CCSER1: variants seen among roughly 807,000 people sequenced by gnomAD.
CCSER1 encodes the protein coiled-coil serine rich protein 1, also known as serine-rich coiled-coil domain-containing protein 1.
In CCSER1, 41 loss-of-function variants were observed where a neutral mutation model predicts 82.0. The ratio of observed to expected loss-of-function variants is 0.50; its 90% CI spans 0.39 to 0.65. CCSER1 has a LOEUF of 0.65. Ranked by LOEUF, CCSER1 falls within the 30% of genes least tolerant of loss-of-function variation. CCSER1 has a pLI of 0.00. For synonymous variants in CCSER1, 414 were observed against 383.9 expected (o/e 1.08, Z -0.92); for missense variants, 1,119 against 1,064.2 (o/e 1.05, Z -0.72).
At chr4:90,968,804 A>G (rs941726741) in intron 9 of CCSER1, among the ~76,000 whole-genome samples, 3 of 152,018 alleles carry the variant, frequency 2.0e-5, no homozygotes, top group Admixed American at 6.6e-5. Flanking sequence ...ATGACAGAAC[A>G]TAATAGTTTT....
In CCSER1 at chr4:90,399,594, G is replaced by C. The variant is rs571615744; in HGVS notation, c.1510-442G>C. Among the ~76,000 whole-genome samples, 8 of 152,104 alleles carry C rather than the reference G, an allele frequency of 5.3e-5. No homozygotes were observed. The South Asian group carries it at 1.7e-3, about 32-fold the overall frequency. ...AAAGTAACTGGAGTTTCATTTCACA[G>C]ACTTCTATTTGAAAAATGTGTATAT... On this transcript the variant is annotated intron_variant, in intron 3 of 10. Transcript: ENST00000509176.
At chr4:90,903,759 A>T (rs1194821218) in intron 8 of CCSER1, among the ~76,000 whole-genome samples, 2 of 151,134 alleles carry the variant, frequency 1.3e-5, no homozygotes, top group Non-Finnish European at 2.9e-5. Flanking sequence ...AATCACTTGA[A>T]CCCAGGGGTG....
At chr4:90,593,613 A>G (rs1345076283) in intron 5 of CCSER1, among the ~76,000 whole-genome samples, 1 of 152,000 alleles carries the variant, frequency 6.6e-6, no homozygotes, top group Non-Finnish European at 1.5e-5. Context: ...TCCAGGTTCT[A>G]TTCTCCTGCC....
At chr4:90,936,105 A>G (rs1441561446) in intron 9 of CCSER1, among the ~76,000 whole-genome samples, 3 of 152,042 alleles carry the variant, frequency 2.0e-5, no homozygotes, top group African/African-American at 7.2e-5. Context: ...TTTACTTTCT[A>G]TTCAAATCTA....
chr4:90,729,165 G>A (rs62312974), intron 7 of CCSER1, among the ~76,000 whole-genome samples: 45 of 152,100 alleles, frequency 3.0e-4, no homozygotes, highest in Non-Finnish European at 5.6e-4. Context: ...TAAATGAAAA[G>A]TGTCTACAAT....
At chr4:91,294,887 G>T (rs1285335979) in intron 10 of CCSER1, among the ~76,000 whole-genome samples, 2 of 151,916 alleles carry the variant, frequency 1.3e-5, no homozygotes, top group South Asian at 4.1e-4. Flanking sequence ...TGTGTATTCA[G>T]CATGCTACAG....
At chr4:91,129,206 G>A (rs1467507677) in intron 10 of CCSER1, among the ~76,000 whole-genome samples, 1 of 151,976 alleles carries the variant, frequency 6.6e-6, no homozygotes, top group Non-Finnish European at 1.5e-5. Context: ...GTCTGTGTTA[G>A]TTTGCTGAGG....
At chr4:90,623,023 ATTTT>A (rs35838784) in intron 5 of CCSER1, among the ~76,000 whole-genome samples, 7 of 112,626 alleles carry the variant, frequency 6.2e-5, no homozygotes, top group Admixed American at 9.5e-5. Flanking sequence ...TGGGTAAAGG[ATTTT>A]TTTTTTTTTT....
At chr4:90,908,789 A>T (rs1725888572) in intron 8 of CCSER1, among the ~76,000 whole-genome samples, 1 of 152,110 alleles carries the variant, frequency 6.6e-6, no homozygotes, top group African/African-American at 2.4e-5. Flanking sequence ...TTCAAGAAGG[A>T]GACTGATGTG....
intron 6 of CCSER1, among the ~76,000 whole-genome samples, chr4:90,665,621 A>G (rs1339393935): frequency 3.9e-5 from 6 of 152,154 alleles, no homozygotes; most frequent in East Asian, 1.9e-4. Context: ...GCCTCCGGCC[A>G]TATGCTGAGA....
At chr4:90,137,555 T>C (rs2153326681) in intron 1 of CCSER1, among the ~76,000 whole-genome samples, 1 of 152,264 alleles carries the variant, frequency 6.6e-6, no homozygotes, top group South Asian at 2.1e-4. Context: ...TGGACGGTGA[T>C]ATAGAAAGTA....
intron 9 of CCSER1, among the ~76,000 whole-genome samples, chr4:90,956,733 C>T (rs1023765287): frequency 2.6e-5 from 4 of 151,398 alleles, no homozygotes; most frequent in Non-Finnish European, 4.4e-5. Context: ...GAAGGCAGAA[C>T]TCCATCTGAT....
At position 90,851,518 on chromosome 4, in the gene CCSER1, A is replaced by G. The variant is rs117495122; in HGVS notation, c.2094+35673A>G. ...TGGTTGAGATTTTACCCTTGTTCCAATGCAGCCCTTGGAGACTATGCACTT... is the reference window on the plus strand; with the variant it reads ...TGGTTGAGATTTTACCCTTGTTCCAGTGCAGCCCTTGGAGACTATGCACTT... On this transcript the variant is annotated intron_variant, in intron 8 of 10. Coordinates refer to ENST00000509176, the MANE Select transcript of CCSER1 (RefSeq NM_001145065.2). Among the ~76,000 whole-genome samples the G allele has an allele frequency of 2.5e-4, 38 of 150,372 alleles. No homozygotes were observed. In the East Asian group the frequency reaches 4.3e-3, roughly 17 times the overall value.
chr4:90,155,170 G>A (rs1168832151), intron 1 of CCSER1, among the ~76,000 whole-genome samples: 5 of 152,084 alleles, frequency 3.3e-5, no homozygotes, highest in Admixed American at 1.3e-4. Flanking sequence ...CTGTTTATAC[G>A]CTGGATTACA....
chr4:91,133,659 C>A (rs903492031), intron 10 of CCSER1, among the ~76,000 whole-genome samples: 3 of 152,088 alleles, frequency 2.0e-5, no homozygotes, highest in African/African-American at 4.8e-5. Context: ...GGACAAGAAG[C>A]AATATCATCC....
At chr4:90,650,876 A>G (rs1728627791) in intron 6 of CCSER1, among the ~76,000 whole-genome samples, 1 of 152,216 alleles carries the variant, frequency 6.6e-6, no homozygotes, top group African/African-American at 2.4e-5. Flanking sequence ...AATATGTGAA[A>G]TCTTGTAATA....
Position 90,192,405 on chromosome 4 carries a change from G to T in CCSER1, c.-42+64574G>T, listed in dbSNP as rs180755486. ...TGTCATTGTGACACAAGAATGAAAGGCACATCTCTGCAATGTATTCAGTAG... is the reference window on the plus strand; with the variant it reads ...TGTCATTGTGACACAAGAATGAAAGTCACATCTCTGCAATGTATTCAGTAG... On this transcript the variant is annotated intron_variant, in intron 1 of 10. Transcript: ENST00000509176. 3.7e-3 allele frequency among the ~76,000 whole-genome samples: 556 copies of T among 152,066 alleles called. 2 individuals are homozygous for T. Among genetic ancestry groups the T allele is most frequent in the Non-Finnish European group, 2.0e-3 (137 of 67,946 alleles).
At chr4:91,212,893 T>C (rs1736936185) in intron 10 of CCSER1, among the ~76,000 whole-genome samples, 1 of 152,090 alleles carries the variant, frequency 6.6e-6, no homozygotes, top group Non-Finnish European at 1.5e-5. Flanking sequence ...CACCTCCTTC[T>C]CTCCCTACTC....
At chr4:91,123,618 C>G (rs1727271592) in intron 10 of CCSER1, among the ~76,000 whole-genome samples, 1 of 151,638 alleles carries the variant, frequency 6.6e-6, no homozygotes, top group African/African-American at 2.4e-5. Flanking sequence ...AATTGCTTAA[C>G]CTCTCAGTGA....
Sources: allele counts gnomAD v4.1 joint callset (sites outside exome capture counted in the v4.1 genomes callset), GRCh38; gene constraint gnomAD v4.1.1; transcripts MANE v1.5; gene names NCBI Gene and HGNC (gene_info 2026-07-23, HGNC 2026-07-21).